Variants in CDK6 observed in about 807,000 individuals in gnomAD.
CDK6 encodes the protein cyclin-dependent kinase 6.
A neutral mutation model predicts 37.1 loss-of-function variants in CDK6; 6 were observed. The ratio of observed to expected loss-of-function variants is 0.16; its 90% CI spans 0.09 to 0.32. The LOEUF is 0.32. Ranked by LOEUF, CDK6 falls within the 10% of genes least tolerant of loss-of-function variation. The probability of loss-of-function intolerance (pLI) is 1.00; values close to 1 mark genes in which losing one functional copy is unlikely to be tolerated. For missense variants in CDK6, 224 were observed against 418.9 expected (o/e 0.53, Z 4.06); for synonymous variants, 160 against 161.3 (o/e 0.99, Z 0.06).
At chr7:92,688,274 G>C (rs1048169014) in intron 4 of CDK6, among the ~76,000 whole-genome samples, 1 of 152,024 alleles carries the variant, frequency 6.6e-6, no homozygotes, top group Non-Finnish European at 1.5e-5. Context: ...CCAACCATTC[G>C]AATTAGTGTG....
At chr7:92,813,931 A>T (rs1800954640) in intron 2 of CDK6, among the ~76,000 whole-genome samples, 1 of 152,224 alleles carries the variant, frequency 6.6e-6, no homozygotes, top group Non-Finnish European at 1.5e-5. Context: ...TGTCTCCATC[A>T]AAAACACACC....
intron 2 of CDK6, among the ~76,000 whole-genome samples, chr7:92,818,741 T>A (rs989170027): frequency 6.6e-6 from 1 of 151,986 alleles, no homozygotes; most frequent in African/African-American, 2.4e-5. Context: ...ATAAGATAAC[T>A]CAATTTTAAA....
intron 3 of CDK6, among the ~76,000 whole-genome samples, chr7:92,769,702 T>C (rs1212227431): frequency 6.6e-6 from 1 of 152,212 alleles, no homozygotes; most frequent in African/African-American, 2.4e-5. Flanking sequence ...ATATTTTACA[T>C]AAGAGTCTCT....
intron 2 of CDK6, among the ~76,000 whole-genome samples, chr7:92,792,624 C>G (rs1231598328): frequency 6.6e-6 from 1 of 151,722 alleles, no homozygotes; most frequent in Non-Finnish European, 1.5e-5. Flanking sequence ...CCAGAATGTA[C>G]AAGTTGAAAG....
chr7:92,693,393 C>T (rs979369519), intron 4 of CDK6, among the ~76,000 whole-genome samples: 5 of 152,098 alleles, frequency 3.3e-5, no homozygotes, highest in African/African-American at 1.2e-4. Context: ...TTCAAAAGCT[C>T]TATTACCTAG....
intron 4 of CDK6, among the ~76,000 whole-genome samples, chr7:92,717,371 G>A (rs1317421985): frequency 3.4e-5 from 5 of 149,066 alleles, no homozygotes; most frequent in Non-Finnish European, 7.4e-5. Context: ...AAAGGGAAAG[G>A]GGAAGGAGAA....
At position 92,833,412 on chromosome 7, in the gene CDK6, G is replaced by T; in HGVS notation, c.-89C>A. On this transcript the variant is annotated 5_prime_UTR_variant, in exon 2 of 8. Transcript: ENST00000424848. The surrounding 1 kb of genome is among the most constrained non-coding windows in gnomAD (Gnocchi z 6.1). ...GCGGCCGCCGCTCGCCTACTCCGGG[G>T]CTCCCCGGAGATCGGTCTAGCTTTA... is the stretch of plus-strand genomic sequence containing the variant. The T allele has an allele frequency of 1.1e-6, 1 of 888,528 alleles. No individual in the cohort carries two copies. Among genetic ancestry groups the T allele is most frequent in the Non-Finnish European group, 1.7e-6 (1 of 599,276 alleles). The allele number at this position is 888,528 out of a possible 1,614,324, so 55.0% of individuals were successfully genotyped here. A position where few individuals can be genotyped will look rare whatever the true frequency, so the allele number is the denominator to read the frequency against.
intron 4 of CDK6, among the ~76,000 whole-genome samples, chr7:92,677,950 T>C (rs1020236087): frequency 1.3e-5 from 2 of 152,250 alleles, no homozygotes; most frequent in Non-Finnish European, 2.9e-5. Flanking sequence ...GACATTATTA[T>C]ACTTCTGTGC....
chr7:92,836,118 G>A (rs1014794605), intron 1 of CDK6, among the ~76,000 whole-genome samples: 4 of 152,028 alleles, frequency 2.6e-5, no homozygotes, highest in African/African-American at 4.8e-5. Context: ...GTGAGTGTCC[G>A]AGTAGAGTTC....
chr7:92,772,737 C>T (rs1311564080), intron 3 of CDK6, among the ~76,000 whole-genome samples: 2 of 151,922 alleles, frequency 1.3e-5, no homozygotes, highest in African/African-American at 2.4e-5. Flanking sequence ...TTGAGATTCC[C>T]CCCATTCCAA....
chr7:92,687,570 T>G (rs1797490713), intron 4 of CDK6, among the ~76,000 whole-genome samples: 1 of 152,204 alleles, frequency 6.6e-6, no homozygotes, highest in South Asian at 2.1e-4. Context: ...AGAATAAAAT[T>G]TATACATAAT....
chr7:92,725,646 G>T lies in CDK6; in HGVS notation c.517C>A (p.Gln173Lys). The change falls in exon 4 of 8, where the codon CAG (glutamine) becomes AAG (lysine). Residue 173 changes from glutamine (Q) to lysine (K), a missense_variant. Transcript: ENST00000424848. ...CTCACCACTGAGGTTAGAGCCATCT[G>T]GAAACTATAGATGCGGGCAAGGCCG... is the stretch of plus-strand genomic sequence containing the variant. The part of the protein sequence containing the change: ...DFGLARIYSF[Q>K]MALTSVVVTL... 6.2e-7 allele frequency: 1 copy of T among 1,613,976 alleles called. No individual in the cohort carries two copies. Among genetic ancestry groups the T allele is most frequent in the Non-Finnish European group, 8.5e-7 (1 of 1,179,920 alleles).
Position 92,774,832 on chromosome 7 carries a change from C to A in CDK6, c.234-1G>T, listed in dbSNP as rs1456512458. The A allele has an allele frequency of 6.2e-7, 1 of 1,602,596 alleles. No individual in the cohort carries two copies. Among genetic ancestry groups the A allele is most frequent in the Non-Finnish European group, 8.5e-7 (1 of 1,175,986 alleles). On this transcript the variant is annotated splice_acceptor_variant, in intron 2 of 7. Coordinates refer to ENST00000424848, the MANE Select transcript of CDK6 (RefSeq NM_001145306.2). LOFTEE classifies it high-confidence loss of function. ...TGACACTGTGCACACATCAAACAAC[C>A]TAGAAGAAAAAACAAAGAGGTTAAG... is the stretch of plus-strand genomic sequence containing the variant.
intron 6 of CDK6, among the ~76,000 whole-genome samples, chr7:92,622,666 A>C (rs1795829923): frequency 6.6e-6 from 1 of 152,098 alleles, no homozygotes; most frequent in Non-Finnish European, 1.5e-5. Flanking sequence ...GGGGACAGGA[A>C]GCTCACTGGA....
intron 3 of CDK6, among the ~76,000 whole-genome samples, chr7:92,766,150 T>G (rs10228647): frequency 0.069 from 10,513 of 152,222 alleles, 1,183 homozygotes; most frequent in African/African-American, 0.24. Flanking sequence ...GGAAGTTAGA[T>G]AATTTTATTT....
intron 2 of CDK6, among the ~76,000 whole-genome samples, chr7:92,822,174 CT>C (rs1324918711): frequency 6.6e-5 from 10 of 152,058 alleles, no homozygotes; most frequent in Non-Finnish European, 1.5e-4. Context: ...TAAATTCAAT[CT>C]GCAAAAACTG....
Position 92,608,777 on chromosome 7 carries a change from A to C in CDK6, c.*6363T>G, listed in dbSNP as rs936322618. On this transcript the variant is annotated 3_prime_UTR_variant, in exon 8 of 8. Coordinates refer to ENST00000424848, the MANE Select transcript of CDK6 (RefSeq NM_001145306.2). ...GCAGCAGGGCACTCTGACCTCGGAAAGCAGCCCGCGGGGCCGCACATAATT... is the reference window on the plus strand; with the variant it reads ...GCAGCAGGGCACTCTGACCTCGGAACGCAGCCCGCGGGGCCGCACATAATT... 4.3e-5 allele frequency: 10 copies of C among 231,788 alleles called. No homozygotes were observed. Among genetic ancestry groups the C allele is most frequent in the African/African-American group, 2.2e-4 (10 of 45,358 alleles). 14.4% of individuals were successfully genotyped at this position (231,788 alleles called of 1,614,324 possible).
intron 2 of CDK6, among the ~76,000 whole-genome samples, chr7:92,799,871 T>C (rs955700837): frequency 6.6e-6 from 1 of 152,222 alleles, no homozygotes; most frequent in Non-Finnish European, 1.5e-5. Context: ...ACTATAACTC[T>C]GCCTTGGCTA....
chr7:92,607,160 TCA>T lies in CDK6; in HGVS notation c.*7978_*7979del, dbSNP rs1336525466. The T allele has an allele frequency of 8.6e-6, 2 of 233,484 alleles. No individual in the cohort carries two copies. Among genetic ancestry groups the T allele is most frequent in the East Asian group, 1.2e-4 (2 of 16,570 alleles). 14.5% of individuals were successfully genotyped at this position (233,484 alleles called of 1,614,324 possible). The stretch of plus-strand genomic sequence containing the variant: ...CAGTTCTGCTTCTACAGAAAAACTC[TCA>T]CACTGCTCTCCTCTCAACAGTACTG... On this transcript the variant is annotated 3_prime_UTR_variant, in exon 8 of 8. Coordinates refer to ENST00000424848, the MANE Select transcript of CDK6 (RefSeq NM_001145306.2).
Sources: gnomAD v4.1 joint callset for allele counts (sites outside exome capture counted in the v4.1 genomes callset) on GRCh38, gnomAD v4.1.1 for gene constraint, Gnocchi (gnomAD v3.1) non-coding constraint, MANE v1.5 for transcripts, NCBI Gene and HGNC (gene_info 2026-07-23, HGNC 2026-07-21) for gene names.